The following NLRP5 variants were observed in gnomAD, a reference collection of about 807,000 sequenced individuals.
NLRP5 encodes the protein NACHT, LRR and PYD domains-containing protein 5.
A neutral mutation model predicts 113.1 loss-of-function variants in NLRP5; 93 were observed. The observed-to-expected ratio is 0.82, with a 90% CI of 0.70 to 0.98. The LOEUF is 0.98. NLRP5 is among the 50% of genes least tolerant of loss of function. The pLI is 0.00. For synonymous variants in NLRP5, 751 were observed against 600.7 expected (o/e 1.25, Z -3.66); for missense variants, 1,808 against 1,514.3 (o/e 1.19, Z -3.22).
At chr19:55,996,315 G>A (rs1316968399), upstream of NLRP5, among the ~76,000 whole-genome samples, 6 of 151,916 alleles carry the variant, frequency 3.9e-5, no homozygotes, top group East Asian at 1.9e-4. Context: ...TTTCTTCTGC[G>A]TCTTATCATA....
intron 1 of NLRP5, among the ~76,000 whole-genome samples, chr19:56,003,216 G>T (rs1333090946): frequency 6.6e-6 from 1 of 152,126 alleles, no homozygotes; most frequent in African/African-American, 2.4e-5. Flanking sequence ...CAATGATGCA[G>T]TCTTGGCTCA....
At chr19:56,015,890 T>C in intron 4 of NLRP5, 92 bp downstream of exon 4, 2 of 899,576 alleles carry the variant, frequency 2.2e-6, no homozygotes, top group Non-Finnish European at 3.3e-6. Context: ...GAAATCCACT[T>C]TCCCTTTCTT....
At chr19:56,058,133 T>A (rs1432876517) in intron 13 of NLRP5, 107 bp from the exon 14 acceptor site, 2 of 897,768 alleles carry the variant, frequency 2.2e-6, no homozygotes, top group Non-Finnish European at 3.3e-6. Flanking sequence ...GTTTTTGTTT[T>A]GTTTTGTTTT....
In NLRP5 at chr19:56,032,708, A is replaced by T. The variant is rs749060837; in HGVS notation, c.2374A>T (p.Ile792Phe). The T allele has an allele frequency of 6.2e-7, 1 of 1,613,578 alleles. No homozygotes were observed. The highest frequency in any genetic ancestry group is 8.5e-7 in the Non-Finnish European group (1 of 1,179,806). The change falls in exon 8 of 15, where the codon ATC becomes TTC. Residue 792 changes from isoleucine (I) to phenylalanine (F), a missense_variant. Transcript: ENST00000390649. Reference sequence around the variant, plus strand: ...GCGGCAGCTGGACCTGGGCAGCAGCATCCTGACAGAGCGGGCCATGAAGAC... The same window carrying T: ...GCGGCAGCTGGACCTGGGCAGCAGCTTCCTGACAGAGCGGGCCATGAAGAC...
upstream of NLRP5, among the ~76,000 whole-genome samples, chr19:55,994,910 G>A (rs933592609): frequency 2.0e-5 from 3 of 152,128 alleles, no homozygotes; most frequent in Non-Finnish European, 2.9e-5. Context: ...TTTATCTTGA[G>A]TTGATTTTTA....
chr19:55,996,598 G>A (rs770638067), upstream of NLRP5, among the ~76,000 whole-genome samples: 8 of 151,954 alleles, frequency 5.3e-5, no homozygotes, highest in East Asian at 3.9e-4. Flanking sequence ...TTGGTTTTTC[G>A]TCCTTGCGAT....
At chr19:56,009,048 G>A (rs922724945) in intron 3 of NLRP5, among the ~76,000 whole-genome samples, 195 bp downstream of exon 3, 2 of 151,992 alleles carry the variant, frequency 1.3e-5, no homozygotes, top group African/African-American at 4.8e-5. Flanking sequence ...GAAGAGTTCT[G>A]TGGCCTGGGG....
At chr19:55,990,142 G>A in the NLRP5 span, among the ~76,000 whole-genome samples, 8 of 123,390 alleles carry the variant, frequency 6.5e-5, no homozygotes, top group South Asian at 2.2e-3. Flanking sequence ...AGGCTGGAGT[G>A]CAATGGTGAG....
In NLRP5 at chr19:56,027,076, G is replaced by A. The variant is rs199500921; in HGVS notation, c.843G>A (p.Thr281=). The change falls in exon 7 of 15, where the codon ACG becomes ACA. Residue 281 remains threonine (T), a synonymous_variant. Coordinates refer to ENST00000390649, the MANE Select transcript of NLRP5 (RefSeq NM_153447.4). ...ACCGGTGGGGCTTCCGGCCTCGCACGGTGGTTCTGCACGGAAAGTCAGGAA... is the reference window on the plus strand; with the variant it reads ...ACCGGTGGGGCTTCCGGCCTCGCACAGTGGTTCTGCACGGAAAGTCAGGAA... The A allele has an allele frequency of 2.4e-4, 373 of 1,560,838 alleles. 2 individuals are homozygous for A. In the Middle Eastern group the frequency reaches 4.2e-3, roughly 17 times the overall value.
At chr19:56,037,649 C>T (rs556783240) in intron 9 of NLRP5, among the ~76,000 whole-genome samples, 21 of 146,918 alleles carry the variant, frequency 1.4e-4, no homozygotes, top group Admixed American at 1.1e-3. Context: ...GCCAAGATTG[C>T]GCCACTGCAC....
intron 9 of NLRP5, among the ~76,000 whole-genome samples, chr19:56,034,948 C>G (rs528714814): frequency 2.0e-5 from 3 of 152,112 alleles, no homozygotes; most frequent in South Asian, 2.1e-4. Context: ...ATATAGTTTT[C>G]TTTTCTTTTT....
At chr19:56,034,377 ACT>A (rs1253469668) in intron 9 of NLRP5, among the ~76,000 whole-genome samples, 1 of 151,550 alleles carries the variant, frequency 6.6e-6, no homozygotes, top group Non-Finnish European at 1.5e-5. Flanking sequence ...CAAGAGCAAA[ACT>A]CTGTCTCAAA....
rs750437965 is a variant in NLRP5, at chr19:56,008,870, T to C, written c.508+17T>C. 8 of 1,608,708 alleles carry C rather than the reference T, an allele frequency of 5.0e-6. No individual in the cohort carries two copies. The East Asian group carries it at 1.6e-4, about 31-fold the overall frequency. ...AAGTGCCAGGTTAGAGGGGTGGAGT[T>C]GGGGGAAATAGGATGTGCTTAAAGA... On this transcript the variant is annotated intron_variant, in intron 3 of 14. Coordinates refer to ENST00000390649, the MANE Select transcript of NLRP5 (RefSeq NM_153447.4).
chr19:56,003,690 A>C, intron 1 of NLRP5, 46 bp from the exon 2 acceptor site: 1 of 1,558,750 alleles, frequency 6.4e-7, no homozygotes. Context: ...TCTACTTGAG[A>C]ATTTGCTGCA....
intron 7 of NLRP5, among the ~76,000 whole-genome samples, chr19:56,029,482 T>C (rs895655257): frequency 2.0e-5 from 3 of 151,796 alleles, no homozygotes; most frequent in African/African-American, 7.3e-5. Context: ...GCCAGGCTGA[T>C]CTCGAACTCC....
intron 6 of NLRP5, among the ~76,000 whole-genome samples, chr19:56,021,001 G>A (rs910607148): frequency 6.6e-6 from 1 of 151,770 alleles, no homozygotes; most frequent in Non-Finnish European, 1.5e-5. Flanking sequence ...AGCCTCCCGA[G>A]TAGCTGGGAT....
At chr19:56,055,856 C>A (rs1410569472) in intron 13 of NLRP5, among the ~76,000 whole-genome samples, 1 of 151,882 alleles carries the variant, frequency 6.6e-6, no homozygotes, top group African/African-American at 2.4e-5. Flanking sequence ...GTTTTTCTGT[C>A]TTCTAAATGC....
At chr19:56,007,490 TGGTAGA>T (rs1981971387) in intron 2 of NLRP5, among the ~76,000 whole-genome samples, 1 of 150,628 alleles carries the variant, frequency 6.6e-6, no homozygotes, top group Admixed American at 6.6e-5. Flanking sequence ...TGCCTGAGCA[TGGTAGA>T]GAAAAACATT....
chr19:56,027,656 T>C lies in NLRP5; in HGVS notation c.1423T>C (p.Ser475Pro). 6.2e-7 allele frequency: 1 copy of C among 1,613,460 alleles called. No homozygotes were observed. The highest frequency in any genetic ancestry group is 8.5e-7 in the Non-Finnish European group (1 of 1,179,864). The change falls in exon 7 of 15, where the codon TCT (serine) becomes CCT (proline). Residue 475 changes from serine (S) to proline (P), a missense_variant. Coordinates refer to ENST00000390649, the MANE Select transcript of NLRP5 (RefSeq NM_153447.4). ...CCAGTGCCAGGTGCCCGCCGTGGGC[T>C]CTCTCATCTGCGTGGCCCTGCAGCT...
Sources: allele counts gnomAD v4.1 joint callset (sites outside exome capture counted in the v4.1 genomes callset), GRCh38; gene constraint gnomAD v4.1.1; transcripts MANE v1.5; gene names NCBI Gene and HGNC (gene_info 2026-07-23, HGNC 2026-07-21).